Variants in DCC observed in about 807,000 individuals in gnomAD.
DCC encodes the protein netrin receptor DCC.
Under a neutral mutation model 172.5 loss-of-function variants are expected in DCC, and 58 were observed. That is an observed-to-expected ratio of 0.34 (90% CI 0.27 to 0.42). The LOEUF (loss-of-function observed/expected upper bound fraction) is 0.42, where lower values mean the gene tolerates loss of function less well. Ranked by LOEUF, DCC falls within the 10% of genes least tolerant of loss-of-function variation. The pLI is 1.00. For synonymous variants in DCC, 709 were observed against 644.5 expected, an observed-to-expected ratio of 1.10 and a Z score of -1.52; for missense variants, 1,740 against 1,791.0, an observed-to-expected ratio of 0.97 and a Z score of 0.51.
chr18:52,803,304 G>A (rs977232797), intron 2 of DCC, among the ~76,000 whole-genome samples: 4 of 152,166 alleles, frequency 2.6e-5, no homozygotes, highest in Admixed American at 2.6e-4. Flanking sequence ...CTGTGGAGAT[G>A]ATGAGCATCA....
chr18:52,377,220 A>G (rs567660560), intron 1 of DCC, among the ~76,000 whole-genome samples: 6 of 152,242 alleles, frequency 3.9e-5, no homozygotes, highest in African/African-American at 1.4e-4. Flanking sequence ...TGCTGTTAAG[A>G]TTATGATTTT....
chr18:52,595,067 G>A (rs1042203019), intron 1 of DCC, among the ~76,000 whole-genome samples: 1 of 152,166 alleles, frequency 6.6e-6, no homozygotes, highest in Non-Finnish European at 1.5e-5. Context: ...GCTATGGAAT[G>A]TATCACTTCC....
At chr18:52,841,298 A>AAAACG (rs199725220) in intron 2 of DCC, among the ~76,000 whole-genome samples, 8,546 of 126,134 alleles carry the variant, frequency 0.068, 821 homozygotes, top group African/African-American at 0.21. Context: ...AAAAAAAAAC[A>AAAACG]ACACTCTGAC....
intron 2 of DCC, among the ~76,000 whole-genome samples, chr18:52,831,948 C>CA (rs1174533485): frequency 6.6e-6 from 1 of 152,088 alleles, no homozygotes; most frequent in Non-Finnish European, 1.5e-5. Context: ...TGCATACTCC[C>CA]AAATGAAATG....
intron 7 of DCC, among the ~76,000 whole-genome samples, chr18:53,068,191 A>G (rs1373837978): frequency 2.6e-5 from 4 of 152,172 alleles, no homozygotes; most frequent in Admixed American, 6.5e-5. Context: ...CTGCTGAACT[A>G]GTAATGCATA....
At chr18:52,756,323 A>G (rs550887005) in intron 2 of DCC, among the ~76,000 whole-genome samples, 138 of 152,268 alleles carry the variant, frequency 9.1e-4, no homozygotes, top group Middle Eastern at 3.4e-3. Context: ...ATGTCATGTT[A>G]ATAGTAGACA....
intron 5 of DCC, among the ~76,000 whole-genome samples, chr18:52,965,979 T>C (rs1002130246): frequency 2.0e-5 from 3 of 152,182 alleles, no homozygotes; most frequent in African/African-American, 7.2e-5. Context: ...ACTCCACTGA[T>C]GTACTTGGCT....
intron 13 of DCC, among the ~76,000 whole-genome samples, chr18:53,319,711 C>T (rs2057385929): frequency 6.6e-6 from 1 of 152,210 alleles, no homozygotes; most frequent in Admixed American, 6.5e-5. Context: ...GAGGGGCAGG[C>T]TGGAGCTCTC....
intron 1 of DCC, among the ~76,000 whole-genome samples, chr18:52,441,328 T>G (rs992641652): frequency 1.3e-5 from 2 of 152,192 alleles, no homozygotes; most frequent in African/African-American, 4.8e-5. Flanking sequence ...GAGAAATGTT[T>G]ATATTGATTT....
intron 12 of DCC, among the ~76,000 whole-genome samples, chr18:53,264,357 G>A (rs1003074597): frequency 6.6e-6 from 1 of 151,724 alleles, no homozygotes; most frequent in Non-Finnish European, 1.5e-5. Context: ...CGTGGTGGCG[G>A]CTGCGTGTAA....
chr18:53,211,998 A>C (rs2055760588), intron 11 of DCC, among the ~76,000 whole-genome samples: 3 of 152,154 alleles, frequency 2.0e-5, no homozygotes, highest in African/African-American at 7.2e-5. Flanking sequence ...CAGTGAGCCT[A>C]GATCACACCA....
chr18:53,347,270 C>T (rs746381650), intron 15 of DCC, among the ~76,000 whole-genome samples: 48 of 152,146 alleles, frequency 3.2e-4, no homozygotes, highest in Non-Finnish European at 5.6e-4. Flanking sequence ...ACGCTGGTCG[C>T]TTCATCAAGA....
chr18:52,894,265 T>C (rs759564878), intron 2 of DCC, among the ~76,000 whole-genome samples: 6 of 152,064 alleles, frequency 3.9e-5, no homozygotes, highest in Admixed American at 2.6e-4. Flanking sequence ...CCTACTAGAC[T>C]ATGAACTCTT....
At chr18:53,457,910 G>T (rs1440986047) in intron 23 of DCC, among the ~76,000 whole-genome samples, 1 of 152,144 alleles carries the variant, frequency 6.6e-6, no homozygotes, top group Non-Finnish European at 1.5e-5. Flanking sequence ...CAAAAAAAAG[G>T]ATGTCAGGGA....
chr18:53,524,476 C>G (rs1418794558), intron 27 of DCC, among the ~76,000 whole-genome samples: 1 of 151,924 alleles, frequency 6.6e-6, no homozygotes, highest in Non-Finnish European at 1.5e-5. Flanking sequence ...ACAGGGCTTT[C>G]TGTTTAACTT....
At chr18:52,348,474 A>G (rs1983975983) in intron 1 of DCC, among the ~76,000 whole-genome samples, 1 of 152,144 alleles carries the variant, frequency 6.6e-6, no homozygotes, top group African/African-American at 2.4e-5. Flanking sequence ...TGGTATTTTC[A>G]TATGCTTAAT....
intron 1 of DCC, among the ~76,000 whole-genome samples, chr18:52,725,944 A>C (rs1012602386): frequency 6.6e-6 from 1 of 152,334 alleles, no homozygotes; most frequent in African/African-American, 2.4e-5. Flanking sequence ...ATCTTCTTAC[A>C]TACATTATCT....
At chr18:53,266,046 C>A (rs1340869751) in intron 12 of DCC, among the ~76,000 whole-genome samples, 1 of 152,138 alleles carries the variant, frequency 6.6e-6, no homozygotes, top group Non-Finnish European at 1.5e-5. Context: ...TTGTTTATGC[C>A]CTTTCCTGCT....
intron 1 of DCC, among the ~76,000 whole-genome samples, chr18:52,689,497 T>C (rs1203642829): frequency 1.3e-5 from 2 of 152,012 alleles, no homozygotes; most frequent in Non-Finnish European, 2.9e-5. Context: ...TATAATAAGT[T>C]GTCTGTTTTC....
Sources: gnomAD v4.1 joint callset for allele counts (sites outside exome capture counted in the v4.1 genomes callset) on GRCh38, gnomAD v4.1.1 for gene constraint, MANE v1.5 for transcripts, NCBI Gene and HGNC (gene_info 2026-07-23, HGNC 2026-07-21) for gene names.